Variants in LINGO2 observed in about 807,000 individuals in gnomAD.
The protein encoded by LINGO2 is leucine-rich repeat and immunoglobulin-like domain-containing nogo receptor-interacting protein 2.
In LINGO2, 14 loss-of-function variants were observed where a neutral mutation model predicts 30.6. The ratio of observed to expected loss-of-function variants is 0.46; its 90% CI spans 0.30 to 0.72. The LOEUF (loss-of-function observed/expected upper bound fraction) is 0.72, where lower values mean the gene tolerates loss of function less well. Ranked by LOEUF, LINGO2 falls within the 30% of genes least tolerant of loss-of-function variation. The pLI is 0.07. For synonymous variants in LINGO2, 317 were observed against 288.5 expected (o/e 1.10, Z -1.00); for missense variants, 729 against 751.7 (o/e 0.97, Z 0.35).
chr9:28,414,411 C>T (rs886128403), intron 2 of LINGO2, among the ~76,000 whole-genome samples: 2 of 152,024 alleles, frequency 1.3e-5, no homozygotes, highest in African/African-American at 4.8e-5. Context: ...AATTTTAACA[C>T]ATATTTTCCC....
the LINGO2 span, among the ~76,000 whole-genome samples, chr9:28,989,596 C>T: frequency 6.6e-6 from 1 of 152,228 alleles, no homozygotes; most frequent in African/African-American, 2.4e-5. Flanking sequence ...GTGTTACAGA[C>T]TCACCCACTG....
At chr9:28,770,887 C>T in the LINGO2 span, among the ~76,000 whole-genome samples, 1 of 152,160 alleles carries the variant, frequency 6.6e-6, no homozygotes, top group Non-Finnish European at 1.5e-5. Context: ...TTGTCATTAG[C>T]ATCACCTTCC....
intron 1 of LINGO2, among the ~76,000 whole-genome samples, chr9:28,569,676 C>T (rs951755576): frequency 3.3e-5 from 5 of 151,576 alleles, no homozygotes; most frequent in African/African-American, 7.3e-5. Flanking sequence ...CTTTCAGTTA[C>T]GAAATGAATA....
chr9:28,975,707 G>T, the LINGO2 span, among the ~76,000 whole-genome samples: 1 of 152,046 alleles, frequency 6.6e-6, no homozygotes, highest in African/African-American at 2.4e-5. Context: ...TTAAGATTAG[G>T]TCTTTGCTTA....
intron 2 of LINGO2, among the ~76,000 whole-genome samples, chr9:28,449,304 T>G (rs1483671205): frequency 2.0e-5 from 3 of 152,048 alleles, no homozygotes; most frequent in Non-Finnish European, 4.4e-5. Flanking sequence ...CAAGGTAGAC[T>G]AATTTCTTAC....
the LINGO2 span, chr9:27,942,245 C>T: frequency 6.6e-6 from 1 of 152,140 alleles, no homozygotes; most frequent in Admixed American, 6.6e-5. Context: ...TCCACTGGAC[C>T]TGCTTCATCT....
At chr9:29,189,884 C>T in the LINGO2 span, among the ~76,000 whole-genome samples, 6 of 151,408 alleles carry the variant, frequency 4.0e-5, no homozygotes, top group Non-Finnish European at 8.8e-5. Flanking sequence ...TGGCAGCGCG[C>T]GCCTGCAATC....
intron 4 of LINGO2, among the ~76,000 whole-genome samples, chr9:28,070,008 A>G (rs1164883394): frequency 6.6e-6 from 1 of 152,214 alleles, no homozygotes; most frequent in Non-Finnish European, 1.5e-5. Flanking sequence ...TGGGCAGTGC[A>G]GAGCAGCATG....
At chr9:28,557,139 G>C (rs1382537939) in intron 1 of LINGO2, among the ~76,000 whole-genome samples, 5 of 152,086 alleles carry the variant, frequency 3.3e-5, no homozygotes, top group Non-Finnish European at 5.9e-5. Flanking sequence ...AGACAAAATT[G>C]ACAAATGGGA....
At chr9:28,207,558 C>T in intron 4 of LINGO2, among the ~76,000 whole-genome samples, 1 of 151,970 alleles carries the variant, frequency 6.6e-6, no homozygotes, top group Non-Finnish European at 1.5e-5. Flanking sequence ...AAAAAGTCTC[C>T]TCTCTCACTT....
chr9:29,083,087 A>G, the LINGO2 span, among the ~76,000 whole-genome samples: 1 of 152,180 alleles, frequency 6.6e-6, no homozygotes, highest in Non-Finnish European at 1.5e-5. Flanking sequence ...TACTGGGTAT[A>G]TACCCAAAGG....
chr9:28,326,038 G>A lies in LINGO2; in HGVS notation c.-245-30672C>T, dbSNP rs545293561. ...TTTTGTTTTGTTTAGACAAAGTCTCGCTCTGTCGCTTAGGCTGGAGTGCAG... is the reference window on the plus strand; with the variant it reads ...TTTTGTTTTGTTTAGACAAAGTCTCACTCTGTCGCTTAGGCTGGAGTGCAG... On this transcript the variant is annotated intron_variant, in intron 3 of 5. Transcript: ENST00000379992. Among the ~76,000 whole-genome samples, 27 of 152,192 alleles carry A rather than the reference G, an allele frequency of 1.8e-4. No individual in the cohort carries two copies. The East Asian group carries it at 4.6e-3, about 26-fold the overall frequency.
At chr9:29,118,524 A>G in the LINGO2 span, among the ~76,000 whole-genome samples, 3 of 152,172 alleles carry the variant, frequency 2.0e-5, no homozygotes. Context: ...TAGAAGCTTT[A>G]GAATCCAGAG....
At chr9:28,010,280 A>G (rs1822489372) in intron 5 of LINGO2, among the ~76,000 whole-genome samples, 1 of 152,186 alleles carries the variant, frequency 6.6e-6, no homozygotes, top group Non-Finnish European at 1.5e-5. Flanking sequence ...TAATTACAAA[A>G]TTTAAGTATA....
intron 2 of LINGO2, among the ~76,000 whole-genome samples, chr9:28,430,242 G>A (rs536101394): frequency 6.6e-6 from 1 of 152,278 alleles, no homozygotes; most frequent in East Asian, 1.9e-4. Context: ...TTTGGCAGAA[G>A]AGGGTCCTGG....
At chr9:28,655,695 C>T (rs1828306018) in intron 1 of LINGO2, among the ~76,000 whole-genome samples, 1 of 151,898 alleles carries the variant, frequency 6.6e-6, no homozygotes, top group East Asian at 1.9e-4. Context: ...AGTTAGTTCT[C>T]ATGAGATCTG....
At chr9:29,169,262 C>CA in the LINGO2 span, among the ~76,000 whole-genome samples, 1 of 151,946 alleles carries the variant, frequency 6.6e-6, no homozygotes, top group South Asian at 2.1e-4. Flanking sequence ...AACTCTGTTT[C>CA]AAAAAAACTT....
chr9:28,249,122 A>G (rs1822106429), intron 4 of LINGO2, among the ~76,000 whole-genome samples: 1 of 152,090 alleles, frequency 6.6e-6, no homozygotes, highest in Admixed American at 6.6e-5. Context: ...TTAGAAAAAA[A>G]TAAGAAGCGA....
At chr9:29,164,179 C>G in the LINGO2 span, among the ~76,000 whole-genome samples, 1 of 152,090 alleles carries the variant, frequency 6.6e-6, no homozygotes, top group South Asian at 2.1e-4. Flanking sequence ...CATAATGTGT[C>G]AATCATGTGA....
Sources: gnomAD v4.1 joint callset for allele counts (sites outside exome capture counted in the v4.1 genomes callset) on GRCh38, gnomAD v4.1.1 for gene constraint, MANE v1.5 for transcripts, NCBI Gene and HGNC (gene_info 2026-07-23, HGNC 2026-07-21) for gene names.